Variants in UPF1 observed in about 807,000 individuals in gnomAD.
UPF1 encodes the protein UPF1 RNA helicase and ATPase, also known as regulator of nonsense transcripts 1.
Under a neutral mutation model 129.2 loss-of-function variants are expected in UPF1, and 9 were observed. The ratio of observed to expected loss-of-function variants is 0.07; its 90% confidence interval spans 0.04 to 0.12. The LOEUF is 0.12. Ranked by LOEUF, UPF1 falls within the 10% of genes least tolerant of loss-of-function variation. The probability of loss-of-function intolerance (pLI) is 1.00; values close to 1 mark genes in which losing one functional copy is unlikely to be tolerated. For synonymous variants in UPF1, 649 were observed against 644.9 expected, an observed-to-expected ratio of 1.01 and a Z score of -0.10; for missense variants, 788 against 1,525.3, an observed-to-expected ratio of 0.52 and a Z score of 8.05.
At chr19:18,852,964 G>T in intron 6 of UPF1, 23 bp from the exon 7 acceptor site, 1 of 1,602,934 alleles carries the variant, frequency 6.2e-7, no homozygotes, top group East Asian at 2.2e-5. Context: ...GCTAACCGGG[G>T]CTCTTGTTTT....
chr19:18,861,961 C>T (rs2055785283), intron 17 of UPF1, 49 bp from the exon 18 acceptor site: 3 of 1,603,246 alleles, frequency 1.9e-6, no homozygotes, highest in South Asian at 2.2e-5. Context: ...TTTGGGGGGA[C>T]TGGGAAGGCA....
At chr19:18,863,950 T>C (rs2055810368) in intron 19 of UPF1, among the ~76,000 whole-genome samples, 1 of 151,966 alleles carries the variant, frequency 6.6e-6, no homozygotes, top group African/African-American at 2.4e-5. Context: ...CTTCCTGAGC[T>C]GAGGCCCAAG....
intron 15 of UPF1, chr19:18,860,108 G>A: frequency 1.7e-6 from 1 of 599,708 alleles, no homozygotes; most frequent in Non-Finnish European, 3.0e-6. Context: ...TGCTGGCCAT[G>A]GTGCTCTCGG....
rs878907995 is a variant in UPF1 at position 18,856,009 on chromosome 19, C to T, written c.1629C>T (p.Arg543=). ...ACCAGACGGGGCTAAAGGTCGTGCG[C>T]CTCTGCGCCAAGAGCCGTGAGGCCA... The part of the protein sequence containing the change: ...KIHQTGLKVV[R]LCAKSREAID... Residue 543 remains arginine, a synonymous_variant, in exon 12 of 24, where the codon CGC becomes CGT. Coordinates refer to ENST00000262803, the MANE Select transcript of UPF1 (RefSeq NM_002911.4). 2 of 1,613,926 alleles carry T rather than the reference C, an allele frequency of 1.2e-6. No homozygotes were observed. Among genetic ancestry groups the T allele is most frequent in the South Asian group, 1.1e-5 (1 of 91,092 alleles).
chr19:18,846,487 C>T (rs1187863863), intron 2 of UPF1, among the ~76,000 whole-genome samples: 2 of 152,084 alleles, frequency 1.3e-5, no homozygotes, highest in African/African-American at 2.4e-5. Flanking sequence ...CTGAGATACC[C>T]TCACAAAGCA....
At position 18,832,272 on chromosome 19, in the gene UPF1, C is replaced by G; in HGVS notation, c.63C>G (p.Ala21=). 12 of 1,551,220 alleles carry G rather than the reference C, an allele frequency of 7.7e-6. No individual in the cohort carries two copies. The highest frequency in any genetic ancestry group is 9.6e-6 in the Non-Finnish European group (11 of 1,148,508). The part of the protein sequence containing the change: ...QTLTFLDTEE[A]ELLGADTQGS... ...TCACTTTCCTGGACACGGAGGAGGC[C>G]GAGCTGCTTGGCGCCGACACACAGG... is the stretch of plus-strand genomic sequence containing the variant. The change falls in exon 1 of 24, where the codon GCC becomes GCG. Residue 21 remains alanine, a synonymous_variant. Transcript: ENST00000262803. This position sits in a 1 kb window ranked among gnomAD's most constrained non-coding sequence, Gnocchi z 5.6.
At chr19:18,843,121 C>T (rs1198383044) in intron 1 of UPF1, among the ~76,000 whole-genome samples, 4 of 152,216 alleles carry the variant, frequency 2.6e-5, no homozygotes, top group Admixed American at 2.0e-4. Flanking sequence ...TCACGCCTGG[C>T]CTCCTGCCCT....
rs2055640116 is a variant in UPF1, at chr19:18,849,943, A to G, written c.462-132A>G. The G allele has an allele frequency of 2.0e-5, 23 of 1,136,136 alleles. No individual in the cohort carries two copies. The South Asian group carries it at 3.4e-4, about 17-fold the overall frequency. 70.4% of individuals were successfully genotyped at this position (1,136,136 alleles called of 1,614,324 possible). On this transcript the variant is annotated intron_variant, in intron 3 of 23. Coordinates refer to ENST00000262803, the MANE Select transcript of UPF1 (RefSeq NM_002911.4). ...GGGAGGGCTGGCCCCCAGAGATGCC[A>G]GATGGATGAGGTGTGACTGCCTCTG...
In UPF1 at chr19:18,850,421, G is replaced by A. The variant is rs2055645694; in HGVS notation, c.629+179G>A. On this transcript the variant is annotated intron_variant, in intron 4 of 23. Coordinates refer to ENST00000262803, the MANE Select transcript of UPF1 (RefSeq NM_002911.4). This position sits in a 1 kb window ranked among gnomAD's most constrained non-coding sequence, Gnocchi z 7.1. ...AGGCGCTGAGGCTTGTTAAGGAGTC[G>A]GCAGTGCCGTGTAACTCTTTTGGGG... Among the ~76,000 whole-genome samples, 1 of 152,254 alleles carries A rather than the reference G, an allele frequency of 6.6e-6. No individual in the cohort carries two copies. The highest frequency in any genetic ancestry group is 2.1e-4 in the South Asian group (1 of 4,836).
At position 18,850,079 on chromosome 19, in the gene UPF1, A is replaced by G; in HGVS notation, c.466A>G (p.Ile156Val). Residue 156 changes from isoleucine (I) to valine (V), a missense_variant, in exon 4 of 24, where the codon ATT becomes GTT. Transcript: ENST00000262803. The surrounding 1 kb of genome is among the most constrained non-coding windows in gnomAD (Gnocchi z 7.1). ...TTTATCATTTCCTGGTTTCAGCCAC[A>G]TTGTAAATCACCTTGTGAGGGCAAA... Reference protein sequence around the residue: ...NGRGNTSGSHIVNHLVRAKCK... With the variant: ...NGRGNTSGSHVVNHLVRAKCK... 6.2e-7 allele frequency: 1 copy of G among 1,614,180 alleles called. No homozygotes were observed. Among genetic ancestry groups the G allele is most frequent in the Non-Finnish European group, 8.5e-7 (1 of 1,180,028 alleles).
At chr19:18,863,299 TG>T in intron 18 of UPF1, 138 bp from the exon 19 acceptor site, 2 of 1,143,046 alleles carry the variant, frequency 1.7e-6, no homozygotes, top group Non-Finnish European at 2.5e-6. Context: ...TCCCTGTGGC[TG>T]GCAGCCTGCC....
At position 18,851,665 on chromosome 19, in the gene UPF1, G is replaced by A. The variant is rs112188409; in HGVS notation, c.811-470G>A. ...GCGGGCCCATGTTGGTCTGGCTCAG[G>A]GTTAGCAGACGTGGGAGACAGGCCT... On this transcript the variant is annotated intron_variant, in intron 5 of 23. Transcript: ENST00000262803. This position sits in a 1 kb window ranked among gnomAD's most constrained non-coding sequence, Gnocchi z 4.2. Among the ~76,000 whole-genome samples the A allele has an allele frequency of 1.3e-5, 2 of 152,236 alleles. No homozygotes were observed. Among genetic ancestry groups the A allele is most frequent in the Admixed American group, 6.5e-5 (1 of 15,282 alleles).
rs1601087180 is a variant in UPF1 at position 18,832,066 on chromosome 19, T to A, written c.-144T>A. Reference sequence around the variant, plus strand: ...CGGCACTGTTACCTCTCGGTCCGGCTGGCGCCGGGGCGCGCGGTTTGGTCC... The same window carrying A: ...CGGCACTGTTACCTCTCGGTCCGGCAGGCGCCGGGGCGCGCGGTTTGGTCC... On this transcript the variant is annotated 5_prime_UTR_variant, in exon 1 of 24. Transcript: ENST00000262803. This position sits in a 1 kb window ranked among gnomAD's most constrained non-coding sequence, Gnocchi z 5.6. 1.4e-6 allele frequency: 1 copy of A among 730,916 alleles called. No homozygotes were observed. Among genetic ancestry groups the A allele is most frequent in the Non-Finnish European group, 1.9e-6 (1 of 526,658 alleles). The allele number at this position is 730,916 out of a possible 1,614,324, so 45.3% of individuals were successfully genotyped here.
At chr19:18,836,381 A>G (rs1447262699) in intron 1 of UPF1, among the ~76,000 whole-genome samples, 1 of 152,200 alleles carries the variant, frequency 6.6e-6, no homozygotes, top group Non-Finnish European at 1.5e-5. Flanking sequence ...GAAGGAACAA[A>G]CTATTGATAC....
In UPF1 at chr19:18,832,393, C is replaced by G; in HGVS notation, c.184C>G (p.Pro62Ala). The change falls in exon 1 of 24, where the codon CCG (proline) becomes GCG (alanine). Residue 62 changes from proline (P) to alanine (A), a missense_variant. Transcript: ENST00000262803. This position sits in a 1 kb window ranked among gnomAD's most constrained non-coding sequence, Gnocchi z 5.6. ...GGPGGGGAGG[P>A]GGAGAGAAAG... ...CCCGGGCGGTGGCGGCGCGGGAGGC[C>G]CGGGCGGCGCGGGCGCGGGCGCTGC... 1 of 1,057,248 alleles carries G rather than the reference C, an allele frequency of 9.5e-7. No individual in the cohort carries two copies. The highest frequency in any genetic ancestry group is 1.1e-6 in the Non-Finnish European group (1 of 876,404). The allele number at this position is 1,057,248 out of a possible 1,614,324, so 65.5% of individuals were successfully genotyped here.
At chr19:18,841,943 A>G (rs914167579) in intron 1 of UPF1, among the ~76,000 whole-genome samples, 1 of 152,178 alleles carries the variant, frequency 6.6e-6, no homozygotes, top group East Asian at 1.9e-4. Context: ...TTGAAAAATT[A>G]AAAAACTTTC....
rs1054181137 is a variant in UPF1 at position 18,863,341 on chromosome 19, G to T, written c.2601-97G>T. 4 of 1,506,232 alleles carry T rather than the reference G, an allele frequency of 2.7e-6. No individual in the cohort carries two copies. The East Asian group carries it at 9.1e-5, about 34-fold the overall frequency. The allele number at this position is 1,506,232 out of a possible 1,614,324, so 93.3% of individuals were successfully genotyped here. A position where few individuals can be genotyped will look rare whatever the true frequency, so the allele number is the denominator to read the frequency against. ...CCCGGTCCACGCCTCTGTTGCCTTG[G>T]ATTTGGGTTCTGAGTGAATGCAGCC... is the stretch of plus-strand genomic sequence containing the variant. On this transcript the variant is annotated intron_variant, in intron 18 of 23. Transcript: ENST00000262803.
chr19:18,834,882 T>G (rs2055467305), intron 1 of UPF1, among the ~76,000 whole-genome samples: 1 of 152,202 alleles, frequency 6.6e-6, no homozygotes, highest in Non-Finnish European at 1.5e-5. Context: ...TTTATTTTAC[T>G]GGGGAAGTGG....
At chr19:18,841,589 G>A (rs1049396340) in intron 1 of UPF1, among the ~76,000 whole-genome samples, 5 of 152,298 alleles carry the variant, frequency 3.3e-5, no homozygotes, top group South Asian at 4.1e-4. Flanking sequence ...TTTTCATCTC[G>A]CCAAGCTGCA....
Sources: allele counts gnomAD v4.1 joint callset (sites outside exome capture counted in the v4.1 genomes callset), GRCh38; gene constraint gnomAD v4.1.1; non-coding constraint Gnocchi (gnomAD v3.1); transcripts MANE v1.5; gene names NCBI Gene and HGNC (gene_info 2026-07-23, HGNC 2026-07-21).